ADGRL3: variants seen among roughly 807,000 people sequenced by gnomAD.
ADGRL3 encodes the protein calcium-independent alpha-latrotoxin receptor 3.
A neutral mutation model predicts 153.5 loss-of-function variants in ADGRL3; 62 were observed. The observed-to-expected ratio is 0.40, with a 90% CI of 0.33 to 0.50. The LOEUF is 0.50. Among genes scored for constraint, ADGRL3 ranks in the 20% least tolerant of loss-of-function variants. The pLI is 0.47. For missense variants in ADGRL3, 1,641 were observed against 1,859.4 expected (o/e 0.88, Z 2.16); for synonymous variants, 710 against 672.5 (o/e 1.06, Z -0.86).
chr4:61,409,136 A>G (rs2097046800), intron 2 of ADGRL3, among the ~76,000 whole-genome samples: 1 of 148,256 alleles, frequency 6.7e-6, no homozygotes, highest in Non-Finnish European at 1.5e-5. Context: ...TGCTTTGAGG[A>G]CAAGAAAGTC....
rs149122296 is a variant in ADGRL3, at chr4:61,728,244, A to G, written c.584-2378A>G. Among the ~76,000 whole-genome samples, 537 of 152,202 alleles carry G rather than the reference A, an allele frequency of 3.5e-3. 1 individual carries two copies. Among genetic ancestry groups the G allele is most frequent in the Non-Finnish European group, 5.6e-3 (383 of 67,936 alleles). ...GCAAGATCATAATAATTTTCTCCAA[A>G]GCACAACAGCCTAATAAATCTTCAT... On this transcript the variant is annotated intron_variant, in intron 6 of 26. Transcript: ENST00000683033.
intron 5 of ADGRL3, among the ~76,000 whole-genome samples, chr4:61,598,632 C>G (rs1411361280): frequency 6.6e-6 from 1 of 152,068 alleles, no homozygotes; most frequent in Non-Finnish European, 1.5e-5. Context: ...CTGTTGGCAT[C>G]CATGTGAACA....
intron 6 of ADGRL3, among the ~76,000 whole-genome samples, chr4:61,680,025 A>G (rs1016245992): frequency 2.6e-5 from 4 of 151,926 alleles, no homozygotes; most frequent in African/African-American, 9.7e-5. Flanking sequence ...TATTTTCCCA[A>G]ACCTTTATGA....
chr4:61,475,990 C>G (rs2152707197), intron 2 of ADGRL3, among the ~76,000 whole-genome samples: 1 of 152,268 alleles, frequency 6.6e-6, no homozygotes, highest in East Asian at 1.9e-4. Context: ...AGCAGCACTA[C>G]AGTCTATCTT....
chr4:61,253,747 A>G (rs943345761), intron 1 of ADGRL3, among the ~76,000 whole-genome samples: 8 of 152,084 alleles, frequency 5.3e-5, no homozygotes, highest in African/African-American at 1.9e-4. Context: ...AAGTATATTT[A>G]TAGCCTTTCC....
At chr4:61,980,306 ATTT>A (rs756680977) in intron 18 of ADGRL3, among the ~76,000 whole-genome samples, 5 of 74,410 alleles carry the variant, frequency 6.7e-5, no homozygotes, top group Non-Finnish European at 1.0e-4. Flanking sequence ...GTAACCACTA[ATTT>A]TTTTTTTTTT....
chr4:61,821,121 A>G (rs1232007080), intron 9 of ADGRL3, among the ~76,000 whole-genome samples: 1 of 150,990 alleles, frequency 6.6e-6, no homozygotes, highest in East Asian at 2.0e-4. Flanking sequence ...AGTCCATTAT[A>G]GAATCCATTA....
At chr4:61,743,324 CAAAAAA>C (rs752363213) in intron 8 of ADGRL3, among the ~76,000 whole-genome samples, 5 of 50,870 alleles carry the variant, frequency 9.8e-5, no homozygotes, top group South Asian at 9.8e-4. Context: ...GACTCCATCT[CAAAAAA>C]AAAAAAAAAA....
chr4:61,556,359 G>A (rs1447177653), intron 4 of ADGRL3, among the ~76,000 whole-genome samples: 1 of 152,118 alleles, frequency 6.6e-6, no homozygotes, highest in Non-Finnish European at 1.5e-5. Context: ...AAGGCTGTGA[G>A]ACAGGAGTTT....
intron 1 of ADGRL3, among the ~76,000 whole-genome samples, chr4:61,360,750 G>A (rs886529989): frequency 6.6e-6 from 1 of 152,072 alleles, no homozygotes; most frequent in Non-Finnish European, 1.5e-5. Context: ...TTATCTATTT[G>A]TCATATACCA....
intron 1 of ADGRL3, among the ~76,000 whole-genome samples, chr4:61,293,791 A>G (rs1171137978): frequency 1.3e-5 from 2 of 152,318 alleles, no homozygotes; most frequent in East Asian, 3.9e-4. Context: ...GGAAAGGTCA[A>G]CCAATGTGGG....
intron 4 of ADGRL3, among the ~76,000 whole-genome samples, chr4:61,559,500 G>A (rs2098784800): frequency 6.6e-6 from 1 of 152,092 alleles, no homozygotes; most frequent in African/African-American, 2.4e-5. Context: ...TGGCATTTTA[G>A]TATGATTAGC....
chr4:61,923,438 CCTTA>C (rs2098779545), intron 13 of ADGRL3, among the ~76,000 whole-genome samples: 1 of 149,990 alleles, frequency 6.7e-6, no homozygotes, highest in African/African-American at 2.5e-5. Context: ...TCTCTTTTGC[CCTTA>C]TAGAAAAAAA....
intron 1 of ADGRL3, among the ~76,000 whole-genome samples, chr4:61,260,389 G>A (rs1375702418): frequency 1.3e-5 from 2 of 152,186 alleles, no homozygotes. Flanking sequence ...AATGAATAAT[G>A]AAATGGATAG....
chr4:61,234,485 A>G (rs1409039828), intron 1 of ADGRL3, among the ~76,000 whole-genome samples: 1 of 152,166 alleles, frequency 6.6e-6, no homozygotes, highest in Non-Finnish European at 1.5e-5. Context: ...CAGCCAAACT[A>G]TATCAGGTTG....
rs1734398382 is a variant in ADGRL3 at position 61,200,757 on chromosome 4, T to TG, written c.-1244dup. The stretch of plus-strand genomic sequence containing the variant: ...AGAGCGCCAGTGCCTCGCTCGCTCT[T>TG]GGGGAGTCGAAGAAGAGAAAGAACC... On this transcript the variant is annotated 5_prime_UTR_variant, in exon 1 of 27. Transcript: ENST00000683033. 6.6e-6 allele frequency among the ~76,000 whole-genome samples: 1 copy of TG among 151,936 alleles called. No individual in the cohort carries two copies. Among genetic ancestry groups the TG allele is most frequent in the South Asian group, 2.1e-4 (1 of 4,820 alleles).
chr4:61,951,894 C>A (rs1483262744), intron 17 of ADGRL3, among the ~76,000 whole-genome samples: 1 of 152,050 alleles, frequency 6.6e-6, no homozygotes, highest in Non-Finnish European at 1.5e-5. Context: ...AATGATTAGA[C>A]TGGTTGTAGT....
intron 1 of ADGRL3, among the ~76,000 whole-genome samples, chr4:61,285,688 C>A (rs77270976): frequency 1.5e-3 from 226 of 151,888 alleles, no homozygotes; most frequent in African/African-American, 4.6e-3. Context: ...TTGAACCTGG[C>A]ATTATCCTAA....
At chr4:61,287,533 G>A (rs1387504289) in intron 1 of ADGRL3, among the ~76,000 whole-genome samples, 5 of 151,898 alleles carry the variant, frequency 3.3e-5, no homozygotes, top group African/African-American at 1.2e-4. Context: ...TTGAATAAAT[G>A]TTACTGTTTA....
Sources: gnomAD v4.1 joint callset for allele counts (sites outside exome capture counted in the v4.1 genomes callset) on GRCh38, gnomAD v4.1.1 for gene constraint, MANE v1.5 for transcripts, NCBI Gene and HGNC (gene_info 2026-07-23, HGNC 2026-07-21) for gene names.